The following BID variants were observed in gnomAD, a reference collection of about 807,000 sequenced individuals.
BID encodes BH3-interacting domain death agonist.
BID carries 19 observed loss-of-function variants against 17.4 expected under a neutral mutation model. The observed-to-expected ratio is 1.09, with a 90% CI of 0.76 to 1.60. The LOEUF (loss-of-function observed/expected upper bound fraction) is 1.60, where lower values mean the gene tolerates loss of function less well. Ranked by LOEUF, BID falls within the 40% of genes most tolerant of loss-of-function variation. BID has a pLI of 0.00. For synonymous variants in BID, 108 were observed against 102.8 expected (o/e 1.05, Z -0.31); for missense variants, 226 against 256.0 (o/e 0.88, Z 0.80).
At chr22:17,737,316 C>G (rs974338836) in intron 5 of BID, among the ~76,000 whole-genome samples, 1 of 151,740 alleles carries the variant, frequency 6.6e-6, no homozygotes, top group African/African-American at 2.4e-5. Flanking sequence ...TCAGACAGTT[C>G]CCCCCCTTTT....
intron 1 of BID, among the ~76,000 whole-genome samples, chr22:17,772,752 C>T (rs1047909657): frequency 6.6e-6 from 1 of 152,184 alleles, no homozygotes; most frequent in Admixed American, 6.5e-5. Flanking sequence ...CGATCAGCAT[C>T]CTCACGTCAG....
chr22:17,760,722 T>C (rs1436269545), intron 1 of BID, among the ~76,000 whole-genome samples: 1 of 152,020 alleles, frequency 6.6e-6, no homozygotes, highest in Non-Finnish European at 1.5e-5. Context: ...ATTGAGGTAA[T>C]GTCCATGCAG....
At chr22:17,739,158 C>T (rs559936654) in intron 4 of BID, among the ~76,000 whole-genome samples, 191 bp downstream of exon 4, 91 of 125,194 alleles carry the variant, frequency 7.3e-4, no homozygotes, top group African/African-American at 2.3e-3. Context: ...CAGGTTTCCT[C>T]GATGTCAACC....
At chr22:17,768,659 G>A (rs560707400) in intron 1 of BID, among the ~76,000 whole-genome samples, 45 of 152,320 alleles carry the variant, frequency 3.0e-4, no homozygotes, top group African/African-American at 1.1e-3. Flanking sequence ...GGATCACGAG[G>A]TCAGGAGATC....
In BID at chr22:17,774,381, C is replaced by T. The variant is rs1349353359; in HGVS notation, c.-59G>A. ...CCGGGAGGGGCGCGGGTGCACTCAC[C>T]ACCCTCCAGCCGCGGGGGCGCGGGC... On this transcript the variant is annotated splice_region_variant and 5_prime_UTR_variant, in exon 1 of 6. Coordinates refer to ENST00000622694, the MANE Select transcript of BID (RefSeq NM_001196.4). 1 of 215,302 alleles carries T rather than the reference C, an allele frequency of 4.6e-6. No individual in the cohort carries two copies. The highest frequency in any genetic ancestry group is 2.3e-5 in the African/African-American group (1 of 42,838). 13.3% of individuals were successfully genotyped at this position (215,302 alleles called of 1,614,324 possible).
At chr22:17,736,405 T>A (rs963699662) in intron 5 of BID, among the ~76,000 whole-genome samples, 1 of 146,926 alleles carries the variant, frequency 6.8e-6, no homozygotes, top group Non-Finnish European at 1.5e-5. Context: ...TGTGGTGAGC[T>A]GAGATCGTGC....
At chr22:17,748,715 A>T (rs2061514331) in intron 2 of BID, among the ~76,000 whole-genome samples, 1 of 151,368 alleles carries the variant, frequency 6.6e-6, no homozygotes. Context: ...ACCCTCCCTC[A>T]CTGAGGGGGC....
chr22:17,773,607 T>TA lies in BID; in HGVS notation c.-59+773dup, dbSNP rs1569057000. The TA allele has an allele frequency of 7.4e-6, 12 of 1,612,576 alleles. No individual in the cohort carries two copies. The highest frequency in any genetic ancestry group is 9.3e-6 in the Non-Finnish European group (11 of 1,179,890). ...CAGAAGGCCCAGCCCCCAGCCCACT[T>TA]ACAGAATCCGCACTGTGCTCCTCCA... On this transcript the variant is annotated intron_variant, in intron 1 of 5. Transcript: ENST00000622694. The surrounding 1 kb of genome is among the most constrained non-coding windows in gnomAD (Gnocchi z 4.4).
rs146769173 is a variant in BID at position 17,739,352 on chromosome 22, C to T, written c.360G>A (p.Glu120=). The T allele has an allele frequency of 6.3e-7, 1 of 1,591,050 alleles. No homozygotes were observed. Among genetic ancestry groups the T allele is most frequent in the East Asian group, 2.3e-5 (1 of 44,376 alleles). The change falls in exon 4 of 6, where the codon GAG becomes GAA. Residue 120 remains glutamate (E), a synonymous_variant. Transcript: ENST00000622694. The stretch of plus-strand genomic sequence containing the variant: ...CGGTCCTCAGGCCCTCACTCACCTC[C>T]TCCGACCGGCTGGTGTTCCTGAGCT... ...ALQLRNTSRS[E]EDRNRDLATA...
chr22:17,743,760 G>A, intron 3 of BID, 43 bp downstream of exon 3: 1 of 1,564,342 alleles, frequency 6.4e-7, no homozygotes, highest in Non-Finnish European at 8.7e-7. Context: ...ACTGGCGACA[G>A]AGAAGCCCAG....
chr22:17,771,367 G>A (rs1036209733), intron 1 of BID, among the ~76,000 whole-genome samples: 2 of 152,118 alleles, frequency 1.3e-5, no homozygotes, highest in African/African-American at 4.8e-5. Flanking sequence ...CCAAAGTGCT[G>A]GGATTACAGG....
chr22:17,763,748 C>A, intron 1 of BID, among the ~76,000 whole-genome samples: 1 of 141,638 alleles, frequency 7.1e-6, no homozygotes. Context: ...TTTATTAGAA[C>A]CAATACAAGA....
intron 1 of BID, among the ~76,000 whole-genome samples, chr22:17,771,314 C>T (rs906608033): frequency 1.3e-5 from 2 of 152,130 alleles, no homozygotes; most frequent in Non-Finnish European, 2.9e-5. Flanking sequence ...TTAGTCAGGA[C>T]GGTCTTGATC....
chr22:17,743,549 C>T (rs1366470377), intron 3 of BID, among the ~76,000 whole-genome samples: 2 of 152,236 alleles, frequency 1.3e-5, no homozygotes, highest in African/African-American at 4.8e-5. Context: ...AAGACCAGTA[C>T]ATGAGATTCT....
chr22:17,756,330 A>G (rs2061582748), intron 1 of BID, among the ~76,000 whole-genome samples: 1 of 152,246 alleles, frequency 6.6e-6, no homozygotes, highest in Admixed American at 6.5e-5. Flanking sequence ...TGGGCCCAAC[A>G]GCCACAAGGC....
At chr22:17,763,222 T>C (rs1222397614) in intron 1 of BID, among the ~76,000 whole-genome samples, 1 of 150,736 alleles carries the variant, frequency 6.6e-6, no homozygotes, top group Non-Finnish European at 1.5e-5. Flanking sequence ...CATAGCTGTT[T>C]GTCTCCATCA....
intron 5 of BID, among the ~76,000 whole-genome samples, chr22:17,736,211 A>C (rs1411597076): frequency 1.3e-5 from 2 of 152,216 alleles, no homozygotes; most frequent in Non-Finnish European, 2.9e-5. Context: ...CTGTAATCCC[A>C]GCACTTTGGG....
chr22:17,763,010 G>A (rs142314627), intron 1 of BID, among the ~76,000 whole-genome samples: 3,733 of 151,958 alleles, frequency 0.025, 161 homozygotes, highest in African/African-American at 0.086. Flanking sequence ...CCGAGTAGCT[G>A]GGACTACAGG....
In BID at chr22:17,741,468, GCTTTTTTTTTT is replaced by G. The variant is rs375402105; in HGVS notation, c.224-1991_224-1981del. On this transcript the variant is annotated intron_variant, in intron 3 of 5. Transcript: ENST00000622694. ...TAGGCAAACTCAACTACTCACTGTA[GCTTTTTTTTTT>G]CTTTTTTTTTTCAAGACATAGTCTC... Among the ~76,000 whole-genome samples, 561 of 151,420 alleles carry G rather than the reference GCTTTTTTTTTT, an allele frequency of 3.7e-3. 2 individuals carry two copies. The highest frequency in any genetic ancestry group is 0.013 in the African/African-American group (539 of 41,206).
Sources: gnomAD v4.1 joint callset for allele counts (sites outside exome capture counted in the v4.1 genomes callset) on GRCh38, gnomAD v4.1.1 for gene constraint, Gnocchi (gnomAD v3.1) non-coding constraint, MANE v1.5 for transcripts, NCBI Gene and HGNC (gene_info 2026-07-23, HGNC 2026-07-21) for gene names.